Variants in ZSWIM5 observed in about 807,000 individuals in gnomAD.
The protein encoded by ZSWIM5 is zinc finger SWIM domain-containing protein 5.
ZSWIM5 carries 55 observed loss-of-function variants against 119.6 expected under a neutral mutation model. The ratio of observed to expected loss-of-function variants is 0.46; its 90% CI spans 0.37 to 0.58. The LOEUF (loss-of-function observed/expected upper bound fraction) is 0.58. ZSWIM5 is among the 20% of genes least tolerant of loss of function. The pLI is 0.00. For synonymous variants in ZSWIM5, 537 were observed against 606.9 expected, an observed-to-expected ratio of 0.88 and a Z score of 1.69; for missense variants, 1,193 against 1,512.8, an observed-to-expected ratio of 0.79 and a Z score of 3.51.
rs1243706165 is a variant in ZSWIM5, at chr1:45,205,926, G to T, written c.425C>A (p.Pro142His). ...GCCGGCCGGAGCGGCGGCCCCGGGGGGTGGCTGCGGCCCCTCCTCGGCCGG... is the reference window on the plus strand; with the variant it reads ...GCCGGCCGGAGCGGCGGCCCCGGGGTGTGGCTGCGGCCCCTCCTCGGCCGG... The part of the protein sequence containing the change: ...ASPAEEGPQP[P>H]PGAAAPAGSA... The change falls in exon 1 of 14, where the codon CCC becomes CAC. Residue 142 changes from proline (P) to histidine (H), a missense_variant. Physicochemically the swap from Pro to His is moderately conservative, Grantham distance 77. Transcript: ENST00000359600. The T allele has an allele frequency of 6.2e-6, 7 of 1,129,688 alleles. No homozygotes were observed. Among genetic ancestry groups the T allele is most frequent in the African/African-American group, 5.0e-5 (3 of 60,000 alleles). The allele number at this position is 1,129,688 out of a possible 1,614,324, so 70.0% of individuals were successfully genotyped here.
In ZSWIM5 at chr1:45,072,068, C is replaced by T. The variant is rs1035879789; in HGVS notation, c.953-11821G>A. 2.0e-5 allele frequency among the ~76,000 whole-genome samples: 3 copies of T among 152,124 alleles called. No homozygotes were observed. Among genetic ancestry groups the T allele is most frequent in the Non-Finnish European group, 4.4e-5 (3 of 68,020 alleles). ...CAGTGTACGAGGGTTCCCTTTTCTC[C>T]ACATCCTCACCAGCACTTCTTATTG... On this transcript the variant is annotated intron_variant, in intron 2 of 13. Transcript: ENST00000359600. The surrounding 1 kb of genome is among the most constrained non-coding windows in gnomAD (Gnocchi z 4.1).
chr1:45,043,181 G>A (rs763051098), intron 6 of ZSWIM5, 38 bp downstream of exon 6: 1 of 1,603,808 alleles, frequency 6.2e-7, no homozygotes, highest in Non-Finnish European at 8.5e-7. Flanking sequence ...CATGAAGTGA[G>A]GGTGGCTCTA....
At chr1:45,044,715 CT>C (rs1180091261) in intron 5 of ZSWIM5, among the ~76,000 whole-genome samples, 1 of 30,902 alleles carries the variant, frequency 3.2e-5, no homozygotes, top group East Asian at 9.6e-4. Context: ...CAGAGCCAGA[CT>C]CCGTCTCAAA....
intron 12 of ZSWIM5, 51 bp downstream of exon 12, chr1:45,020,574 T>C (rs1262233037): frequency 1.3e-6 from 2 of 1,581,480 alleles, no homozygotes; most frequent in African/African-American, 1.4e-5. Context: ...TTCTGCCAAC[T>C]GTCACTAGGT....
chr1:45,058,794 G>A, intron 3 of ZSWIM5, 35 bp from the exon 4 acceptor site: 1 of 1,610,380 alleles, frequency 6.2e-7, no homozygotes, highest in Non-Finnish European at 8.5e-7. Flanking sequence ...ATTGGTGATT[G>A]TGTATCACAA....
intron 1 of ZSWIM5, among the ~76,000 whole-genome samples, chr1:45,096,536 AC>A (rs370625669): frequency 0.027 from 3,056 of 113,608 alleles, 113 homozygotes; most frequent in African/African-American, 0.098. Flanking sequence ...GGCCCTATCA[AC>A]ACACACACAC....
At position 45,016,841 on chromosome 1, in the gene ZSWIM5, G is replaced by A. The variant is rs1644856908; in HGVS notation, c.*1613C>T. 1 of 152,232 alleles carries A rather than the reference G, an allele frequency of 6.6e-6. No homozygotes were observed. The highest frequency in any genetic ancestry group is 1.5e-5 in the Non-Finnish European group (1 of 68,078). 9.4% of individuals were successfully genotyped at this position (152,232 alleles called of 1,614,324 possible). A position where few individuals can be genotyped will look rare whatever the true frequency, so the allele number is the denominator to read the frequency against. On this transcript the variant is annotated 3_prime_UTR_variant, in exon 14 of 14. Coordinates refer to ENST00000359600, the MANE Select transcript of ZSWIM5 (RefSeq NM_020883.2). The stretch of plus-strand genomic sequence containing the variant: ...CCAGGCTGAGCACAGGGGTCAGGAA[G>A]GTAGCAGGAACATGATACACTATGG...
chr1:45,168,558 G>T (rs559791572), intron 1 of ZSWIM5, among the ~76,000 whole-genome samples: 177 of 149,994 alleles, frequency 1.2e-3, no homozygotes, highest in Non-Finnish European at 9.5e-4. Flanking sequence ...CCAGCTACTC[G>T]GGAGGCTGAG....
chr1:45,052,184 C>T (rs1645093353), intron 4 of ZSWIM5, among the ~76,000 whole-genome samples: 1 of 151,576 alleles, frequency 6.6e-6, no homozygotes, highest in Non-Finnish European at 1.5e-5. Context: ...CGCCACCATG[C>T]CCGGCTAATT....
At chr1:45,047,479 G>A (rs1645062922) in intron 5 of ZSWIM5, among the ~76,000 whole-genome samples, 2 of 152,150 alleles carry the variant, frequency 1.3e-5, no homozygotes, top group South Asian at 4.2e-4. Context: ...AGAGAGGCAC[G>A]TGGAGTCATG....
At chr1:45,180,657 C>T (rs1273403386) in intron 1 of ZSWIM5, among the ~76,000 whole-genome samples, 3 of 152,158 alleles carry the variant, frequency 2.0e-5, no homozygotes, top group African/African-American at 4.8e-5. Context: ...CCCTGACCCC[C>T]GAGCAGCCTA....
intron 2 of ZSWIM5, among the ~76,000 whole-genome samples, chr1:45,062,798 C>G (rs781179710): frequency 1.3e-5 from 2 of 152,152 alleles, no homozygotes; most frequent in African/African-American, 4.8e-5. Context: ...CCCACCATAC[C>G]TGGCCGAGTT....
At chr1:45,111,292 T>C (rs1434293301) in intron 1 of ZSWIM5, among the ~76,000 whole-genome samples, 1 of 152,112 alleles carries the variant, frequency 6.6e-6, no homozygotes, top group African/African-American at 2.4e-5. Flanking sequence ...GTGAACCAAC[T>C]AATCCAGACT....
intron 1 of ZSWIM5, among the ~76,000 whole-genome samples, chr1:45,196,953 C>CACTT (rs1194884359): frequency 6.6e-6 from 1 of 152,164 alleles, no homozygotes; most frequent in East Asian, 1.9e-4. Context: ...AGAGGTTACA[C>CACTT]ACTTACTCTG....
chr1:45,050,617 TCCCA>T (rs1645083359), intron 5 of ZSWIM5, among the ~76,000 whole-genome samples: 1 of 152,118 alleles, frequency 6.6e-6, no homozygotes, highest in Non-Finnish European at 1.5e-5. Context: ...GGGAGGATGA[TCCCA>T]CCCAGCTATT....
chr1:45,174,084 G>A (rs1334782066), intron 1 of ZSWIM5, among the ~76,000 whole-genome samples: 1 of 151,990 alleles, frequency 6.6e-6, no homozygotes, highest in African/African-American at 2.4e-5. Context: ...AGACCAGCCT[G>A]GCCAACAAGG....
intron 1 of ZSWIM5, among the ~76,000 whole-genome samples, chr1:45,169,470 A>G (rs367551838): frequency 7.9e-5 from 12 of 152,096 alleles, no homozygotes; most frequent in African/African-American, 2.9e-4. Context: ...ATCAAGACTA[A>G]GGAGCTAGTG....
intron 1 of ZSWIM5, among the ~76,000 whole-genome samples, chr1:45,091,126 C>T (rs556389991): frequency 6.6e-6 from 1 of 152,188 alleles, no homozygotes; most frequent in African/African-American, 2.4e-5. Context: ...TGTTTTAATG[C>T]AATTATTATT....
At chr1:45,034,701 A>G (rs915116279) in intron 10 of ZSWIM5, among the ~76,000 whole-genome samples, 3 of 152,260 alleles carry the variant, frequency 2.0e-5, no homozygotes, top group Non-Finnish European at 4.4e-5. Flanking sequence ...AAGGCCGTTC[A>G]AGAGCTATCG....
Sources: gnomAD v4.1 joint callset for allele counts (sites outside exome capture counted in the v4.1 genomes callset) on GRCh38, gnomAD v4.1.1 for gene constraint, Gnocchi (gnomAD v3.1) non-coding constraint, MANE v1.5 for transcripts, NCBI Gene and HGNC (gene_info 2026-07-23, HGNC 2026-07-21) for gene names.